ANKS1B: variants seen among roughly 807,000 people sequenced by gnomAD.
ANKS1B encodes the protein ankyrin repeat and sterile alpha motif domain-containing protein 1B.
Under a neutral mutation model 148.3 loss-of-function variants are expected in ANKS1B, and 36 were observed. The ratio of observed to expected loss-of-function variants is 0.24; its 90% CI spans 0.19 to 0.32. The LOEUF (loss-of-function observed/expected upper bound fraction) is 0.32, where lower values mean the gene tolerates loss of function less well. ANKS1B is among the 10% of genes least tolerant of loss of function. The pLI is 1.00. For missense variants in ANKS1B, 1,157 were observed against 1,542.6 expected (o/e 0.75, Z 4.19); for synonymous variants, 542 against 560.8 (o/e 0.97, Z 0.47).
chr12:99,856,626 A>G (rs2089143734), intron 1 of ANKS1B, among the ~76,000 whole-genome samples: 1 of 152,170 alleles, frequency 6.6e-6, no homozygotes, highest in African/African-American at 2.4e-5. Flanking sequence ...CGGACACAAA[A>G]ATCTGTAACA....
chr12:99,699,642 A>G (rs1426341916), intron 8 of ANKS1B, among the ~76,000 whole-genome samples: 2 of 152,216 alleles, frequency 1.3e-5, no homozygotes, highest in East Asian at 1.9e-4. Flanking sequence ...CTTACTTGCT[A>G]AACGATACAA....
At chr12:99,034,635 T>C (rs1490576021) in intron 17 of ANKS1B, among the ~76,000 whole-genome samples, 1 of 151,810 alleles carries the variant, frequency 6.6e-6, no homozygotes, top group Non-Finnish European at 1.5e-5. Context: ...ATCCGAGGAG[T>C]CATGGAGTCT....
At chr12:99,852,382 T>C (rs1338923240) in intron 1 of ANKS1B, among the ~76,000 whole-genome samples, 1 of 152,220 alleles carries the variant, frequency 6.6e-6, no homozygotes, top group Non-Finnish European at 1.5e-5. Context: ...GTATACCAGA[T>C]ACTATGTTAG....
intron 1 of ANKS1B, among the ~76,000 whole-genome samples, chr12:99,846,429 G>A (rs1392894645): frequency 6.6e-6 from 1 of 151,790 alleles, no homozygotes; most frequent in African/African-American, 2.4e-5. Flanking sequence ...TAATTACATT[G>A]TAACTATGTC....
At chr12:98,743,066 T>C (rs1024132184), downstream of ANKS1B, among the ~76,000 whole-genome samples, 2 of 152,258 alleles carry the variant, frequency 1.3e-5, no homozygotes, top group African/African-American at 4.8e-5. Context: ...TCTAATTCTC[T>C]TGAGGCTAGA....
intron 2 of ANKS1B, among the ~76,000 whole-genome samples, chr12:99,816,015 G>T (rs957663077): frequency 5.9e-5 from 9 of 151,818 alleles, no homozygotes; most frequent in Non-Finnish European, 7.4e-5. Context: ...TGGGACTGAC[G>T]GATCTAATGA....
At chr12:99,047,568 C>T (rs1160327960) in intron 17 of ANKS1B, among the ~76,000 whole-genome samples, 1 of 152,100 alleles carries the variant, frequency 6.6e-6, no homozygotes, top group Admixed American at 6.5e-5. Context: ...AAAAAGACAA[C>T]ACCTTCAGTG....
chr12:99,151,669 G>GT (rs2153818844), intron 15 of ANKS1B, among the ~76,000 whole-genome samples: 1 of 152,256 alleles, frequency 6.6e-6, no homozygotes, highest in East Asian at 1.9e-4. Context: ...ATGTGTGAGA[G>GT]TATGTATGTA....
At chr12:99,408,101 C>T (rs1321812118) in intron 11 of ANKS1B, among the ~76,000 whole-genome samples, 2 of 146,032 alleles carry the variant, frequency 1.4e-5, no homozygotes, top group Non-Finnish European at 3.0e-5. Context: ...TCAAGTTATA[C>T]TACCAAGCTA....
At chr12:98,852,763 C>T (rs1343697800) in intron 17 of ANKS1B, among the ~76,000 whole-genome samples, 1 of 152,074 alleles carries the variant, frequency 6.6e-6, no homozygotes, top group African/African-American at 2.4e-5. Context: ...CCCCTCCATC[C>T]ATCAAATTGC....
chr12:98,808,038 A>T, intron 19 of ANKS1B, 120 bp from the exon 20 acceptor site: 1 of 780,466 alleles, frequency 1.3e-6, no homozygotes, highest in South Asian at 2.0e-5. Flanking sequence ...TTTAAAAAAA[A>T]CTCAAAAAAT....
chr12:99,271,528 A>G (rs933704512), intron 12 of ANKS1B, among the ~76,000 whole-genome samples: 1 of 151,646 alleles, frequency 6.6e-6, no homozygotes, highest in Admixed American at 6.6e-5. Context: ...CCTATTCTGA[A>G]TAGGTGCTCA....
At chr12:99,332,749 T>A (rs1004889223) in intron 12 of ANKS1B, among the ~76,000 whole-genome samples, 1 of 150,776 alleles carries the variant, frequency 6.6e-6, no homozygotes, top group Non-Finnish European at 1.5e-5. Context: ...GTGGGCAGGA[T>A]GAAGGAAGGG....
chr12:99,635,575 A>T (rs987320502), intron 9 of ANKS1B, among the ~76,000 whole-genome samples: 3 of 152,146 alleles, frequency 2.0e-5, no homozygotes, highest in African/African-American at 7.2e-5. Context: ...TAAAAAGTAG[A>T]ATGGTGGTTG....
intron 12 of ANKS1B, among the ~76,000 whole-genome samples, chr12:99,368,642 A>G (rs189405191): frequency 1.0e-3 from 152 of 152,192 alleles, no homozygotes; most frequent in African/African-American, 3.5e-3. Flanking sequence ...TTCTTGCACT[A>G]TCTGTTGTCA....
chr12:99,862,982 T>C (rs925686161), intron 1 of ANKS1B, among the ~76,000 whole-genome samples: 1 of 152,206 alleles, frequency 6.6e-6, no homozygotes, highest in African/African-American at 2.4e-5. Flanking sequence ...AAAAACAGTA[T>C]GCTACAGCAA....
intron 17 of ANKS1B, among the ~76,000 whole-genome samples, chr12:98,977,375 C>T (rs946707001): frequency 5.9e-5 from 9 of 152,056 alleles, no homozygotes; most frequent in Non-Finnish European, 1.2e-4. Flanking sequence ...GAAGTCAGTG[C>T]CATTTTGTGG....
At chr12:99,095,124 G>A (rs1214635713) in intron 15 of ANKS1B, among the ~76,000 whole-genome samples, 1 of 152,196 alleles carries the variant, frequency 6.6e-6, no homozygotes. Context: ...CTTTGATAAA[G>A]GTTCTATGTG....
Position 99,613,771 on chromosome 12 carries a change from G to A in ANKS1B, c.1272+41296C>T, listed in dbSNP as rs531109849. ...TGGATACTAGGCTTAATACTTTGGT[G>A]ATGAAATAATCTGTACAACAAACTC... is the stretch of plus-strand genomic sequence containing the variant. On this transcript the variant is annotated intron_variant, in intron 9 of 26. Coordinates refer to ENST00000683438, the MANE Select transcript of ANKS1B (RefSeq NM_001352186.2). 9.9e-5 allele frequency among the ~76,000 whole-genome samples: 15 copies of A among 152,034 alleles called. No individual in the cohort carries two copies. The South Asian group carries it at 3.1e-3, about 32-fold the overall frequency.
Sources: gnomAD v4.1 joint callset for allele counts (sites outside exome capture counted in the v4.1 genomes callset) on GRCh38, gnomAD v4.1.1 for gene constraint, MANE v1.5 for transcripts, NCBI Gene and HGNC (gene_info 2026-07-23, HGNC 2026-07-21) for gene names.